The following KIF26B variants were observed in gnomAD, a reference collection of about 807,000 sequenced individuals.
The protein encoded by KIF26B is kinesin-like protein KIF26B.
In KIF26B, 63 loss-of-function variants were observed where a neutral mutation model predicts 151.2. That is an observed-to-expected ratio of 0.42 (90% CI 0.34 to 0.51). KIF26B has a LOEUF of 0.51. KIF26B is among the 20% of genes least tolerant of loss of function. KIF26B has a pLI of 0.07. For missense variants in KIF26B, 2,813 were observed against 2,913.6 expected (o/e 0.97, Z 0.79); for synonymous variants, 1,357 against 1,262.1 (o/e 1.08, Z -1.59).
chr1:245,276,834 G>A (rs1000490549), intron 2 of KIF26B, among the ~76,000 whole-genome samples: 12 of 152,190 alleles, frequency 7.9e-5, no homozygotes, highest in African/African-American at 2.4e-4. Flanking sequence ...GACAAAGAGG[G>A]TCTTGCAGTT....
At chr1:245,431,501 T>C (rs990969101) in intron 4 of KIF26B, among the ~76,000 whole-genome samples, 15 of 152,260 alleles carry the variant, frequency 9.9e-5, no homozygotes, top group Middle Eastern at 3.4e-3. Context: ...TCCGCCACCA[T>C]GCCCAGCTCA....
At chr1:245,478,807 T>G (rs1660100872) in intron 4 of KIF26B, among the ~76,000 whole-genome samples, 1 of 151,708 alleles carries the variant, frequency 6.6e-6, no homozygotes, top group Non-Finnish European at 1.5e-5. Flanking sequence ...AGGCAGGATG[T>G]GATGGCAGCG....
In KIF26B at chr1:245,170,363, C is replaced by T. The variant is rs1188653249; in HGVS notation, c.465+13680C>T. ...TCCTTGTTTTGGCTAAGTCTCATGC[C>T]CTCATATCCACTTCTACCCTTGCAG... On this transcript the variant is annotated intron_variant, in intron 2 of 14. Coordinates refer to ENST00000407071, the MANE Select transcript of KIF26B (RefSeq NM_018012.4). This position sits in a 1 kb window ranked among gnomAD's most constrained non-coding sequence, Gnocchi z 4.4. Among the ~76,000 whole-genome samples, 1 of 152,114 alleles carries T rather than the reference C, an allele frequency of 6.6e-6. No homozygotes were observed. The highest frequency in any genetic ancestry group is 1.5e-5 in the Non-Finnish European group (1 of 68,030).
intron 10 of KIF26B, among the ~76,000 whole-genome samples, chr1:245,674,493 A>G (rs578120390): frequency 1.4e-4 from 21 of 152,234 alleles, no homozygotes; most frequent in Non-Finnish European, 2.9e-4. Context: ...CTTTCAGCAC[A>G]TCTTCATTTC....
chr1:245,334,033 G>C (rs997092447), intron 2 of KIF26B, among the ~76,000 whole-genome samples: 2 of 152,040 alleles, frequency 1.3e-5, no homozygotes, highest in African/African-American at 4.8e-5. Flanking sequence ...AGTGGATGTC[G>C]GGTGAGGTGG....
chr1:245,357,940 A>G (rs1332301979), intron 2 of KIF26B, among the ~76,000 whole-genome samples: 2 of 152,198 alleles, frequency 1.3e-5, no homozygotes, highest in Non-Finnish European at 2.9e-5. Flanking sequence ...GTGTTGAGAC[A>G]TGGTCTCGCT....
intron 4 of KIF26B, among the ~76,000 whole-genome samples, chr1:245,444,026 A>AC (rs1224406894): frequency 5.6e-5 from 7 of 124,198 alleles, no homozygotes; most frequent in African/African-American, 1.0e-4. Flanking sequence ...CTCACTGTTC[A>AC]TCTAGAGGAG....
chr1:245,704,512 A>C lies in KIF26B; in HGVS notation c.*1906A>C, dbSNP rs888159775. The C allele has an allele frequency of 2.0e-5, 3 of 152,260 alleles. No individual in the cohort carries two copies. The highest frequency in any genetic ancestry group is 2.9e-5 in the Non-Finnish European group (2 of 68,062). 9.4% of individuals were successfully genotyped at this position (152,260 alleles called of 1,614,324 possible). A position where few individuals can be genotyped will look rare whatever the true frequency, so the allele number is the denominator to read the frequency against. On this transcript the variant is annotated 3_prime_UTR_variant, in exon 15 of 15. Coordinates refer to ENST00000407071, the MANE Select transcript of KIF26B (RefSeq NM_018012.4). ...AGTCTGGCTTTGCACTTTCCATAAG[A>C]GTCTGCTTCTATGCAAAGGTGCAAA...
intron 4 of KIF26B, among the ~76,000 whole-genome samples, chr1:245,505,315 T>G (rs1307348337): frequency 6.6e-6 from 1 of 152,126 alleles, no homozygotes; most frequent in East Asian, 1.9e-4. Context: ...CTGTGTAGTT[T>G]TCTTATTAGC....
chr1:245,398,188 A>C (rs1257385437), intron 3 of KIF26B, among the ~76,000 whole-genome samples: 1 of 152,134 alleles, frequency 6.6e-6, no homozygotes, highest in African/African-American at 2.4e-5. Context: ...TCCATCTTAA[A>C]CTGAAGGATT....
chr1:245,674,232 A>G (rs185466969), intron 10 of KIF26B, among the ~76,000 whole-genome samples: 33 of 152,326 alleles, frequency 2.2e-4, no homozygotes, highest in Admixed American at 1.4e-3. Context: ...GTGAAAAATG[A>G]CAGGTCTATG....
intron 4 of KIF26B, among the ~76,000 whole-genome samples, chr1:245,497,022 G>T (rs895019269): frequency 6.6e-6 from 1 of 151,920 alleles, no homozygotes; most frequent in Non-Finnish European, 1.5e-5. Flanking sequence ...GTGTGGTGGC[G>T]CATGTCTGTA....
chr1:245,377,315 G>C (rs894751226), intron 3 of KIF26B, among the ~76,000 whole-genome samples: 2 of 152,206 alleles, frequency 1.3e-5, no homozygotes, highest in South Asian at 4.1e-4. Flanking sequence ...AAGGCCCCAG[G>C]GAAGAGTCCT....
chr1:245,353,250 C>T (rs985769124), intron 2 of KIF26B, among the ~76,000 whole-genome samples: 1 of 152,170 alleles, frequency 6.6e-6, no homozygotes, highest in African/African-American at 2.4e-5. Flanking sequence ...CCCCCTCTCC[C>T]TCTTTCACAT....
chr1:245,570,466 T>A (rs1350298168), intron 5 of KIF26B, among the ~76,000 whole-genome samples: 1 of 152,188 alleles, frequency 6.6e-6, no homozygotes, highest in Non-Finnish European at 1.5e-5. Flanking sequence ...TTATACTGGA[T>A]TTTTCCATTA....
At chr1:245,579,932 G>A (rs1224172834) in intron 5 of KIF26B, among the ~76,000 whole-genome samples, 2 of 152,164 alleles carry the variant, frequency 1.3e-5, no homozygotes, top group African/African-American at 2.4e-5. Context: ...AACAGTGGTG[G>A]CGGGCTGGCC....
chr1:245,547,585 C>CAAAAAA (rs56218217), intron 5 of KIF26B, among the ~76,000 whole-genome samples: 1 of 114,638 alleles, frequency 8.7e-6, no homozygotes, highest in Admixed American at 1.0e-4. Flanking sequence ...GACTCCATCT[C>CAAAAAA]AAAAAAAAAA....
At chr1:245,621,203 A>G (rs1293065872) in intron 9 of KIF26B, among the ~76,000 whole-genome samples, 2 of 152,212 alleles carry the variant, frequency 1.3e-5, no homozygotes, top group Non-Finnish European at 2.9e-5. Flanking sequence ...GGGAGGAACT[A>G]CGACGGTGCG....
At position 245,687,634 on chromosome 1, in the gene KIF26B, G is replaced by A. The variant is rs1396936715; in HGVS notation, c.4651G>A (p.Asp1551Asn). ...FQKASRQEEP[D>N]SLSYYCAAET... ...GAAGGCCAGCCGGCAGGAGGAGCCGGACAGCCTCTCCTATTACTGCGCTGC... is the reference window on the plus strand; with the variant it reads ...GAAGGCCAGCCGGCAGGAGGAGCCGAACAGCCTCTCCTATTACTGCGCTGC... The change falls in exon 12 of 15, where the codon GAC becomes AAC. Residue 1551 changes from aspartate (D) to asparagine (N), a missense_variant. Coordinates refer to ENST00000407071, the MANE Select transcript of KIF26B (RefSeq NM_018012.4). This position sits in a 1 kb window ranked among gnomAD's most constrained non-coding sequence, Gnocchi z 4.9. 1.3e-6 allele frequency: 2 copies of A among 1,567,002 alleles called. No individual in the cohort carries two copies. The highest frequency in any genetic ancestry group is 1.7e-6 in the Non-Finnish European group (2 of 1,156,364).
Sources: gnomAD v4.1 joint callset for allele counts (sites outside exome capture counted in the v4.1 genomes callset) on GRCh38, gnomAD v4.1.1 for gene constraint, Gnocchi (gnomAD v3.1) non-coding constraint, MANE v1.5 for transcripts, NCBI Gene and HGNC (gene_info 2026-07-23, HGNC 2026-07-21) for gene names.